Variants in NRXN3 observed in about 807,000 individuals in gnomAD.
NRXN3 encodes neurexin III.
In NRXN3, 32 loss-of-function variants were observed where a neutral mutation model predicts 137.6. That is an observed-to-expected ratio of 0.23 (90% CI 0.18 to 0.31). The LOEUF (loss-of-function observed/expected upper bound fraction) is 0.31. NRXN3 is among the 10% of genes least tolerant of loss of function. The pLI is 1.00. For synonymous variants in NRXN3, 798 were observed against 784.5 expected (o/e 1.02, Z -0.29); for missense variants, 1,574 against 2,062.5 (o/e 0.76, Z 4.59).
At position 79,673,725 on chromosome 14, in the gene NRXN3, A is replaced by G. The variant is rs143839984; in HGVS notation, c.3616+9776A>G. ...ATGGGTATATGGTGAAAAATGAAAC[A>G]CAGCTCCTGACCTCAAGGATCCTCA... is the stretch of plus-strand genomic sequence containing the variant. On this transcript the variant is annotated intron_variant, in intron 17 of 20. Transcript: ENST00000335750. 8.9e-3 allele frequency among the ~76,000 whole-genome samples: 1,356 copies of G among 152,232 alleles called. 20 individuals are homozygous for G. The highest frequency in any genetic ancestry group is 0.027 in the Middle Eastern group (8 of 294).
At chr14:79,061,752 A>T (rs1011337354) in intron 15 of NRXN3, among the ~76,000 whole-genome samples, 3 of 152,114 alleles carry the variant, frequency 2.0e-5, no homozygotes, top group African/African-American at 7.2e-5. Context: ...ACAAGTTACG[A>T]GTTGTCCTTG....
At chr14:78,956,538 G>A (rs2099397127) in intron 10 of NRXN3, among the ~76,000 whole-genome samples, 1 of 152,112 alleles carries the variant, frequency 6.6e-6, no homozygotes, top group African/African-American at 2.4e-5. Context: ...GTCCTGAAAA[G>A]TTTCAGTTTT....
chr14:79,280,171 CT>C (rs2081038448), intron 15 of NRXN3: 1 of 1,514,912 alleles, frequency 6.6e-7, no homozygotes, highest in African/African-American at 1.4e-5. Flanking sequence ...TTGCTTCCCT[CT>C]TCCCCGAATT....
chr14:78,364,368 G>C (rs533206867), intron 4 of NRXN3, among the ~76,000 whole-genome samples: 21 of 152,240 alleles, frequency 1.4e-4, no homozygotes, highest in Non-Finnish European at 2.8e-4. Context: ...CAAACTTCAA[G>C]AGTAATGGAA....
chr14:79,064,161 G>A (rs931841627), intron 15 of NRXN3, among the ~76,000 whole-genome samples: 9 of 152,062 alleles, frequency 5.9e-5, no homozygotes, highest in African/African-American at 9.7e-5. Flanking sequence ...ATCTGTGAGC[G>A]GATTATTTGG....
At chr14:79,611,877 T>A (rs903731348) in intron 16 of NRXN3, 2 of 152,218 alleles carry the variant, frequency 1.3e-5, no homozygotes, top group African/African-American at 4.8e-5. Flanking sequence ...TATAGCTGGA[T>A]CATGCATAGC....
At chr14:79,552,571 C>G (rs1343839097) in intron 16 of NRXN3, among the ~76,000 whole-genome samples, 1 of 152,066 alleles carries the variant, frequency 6.6e-6, no homozygotes, top group Non-Finnish European at 1.5e-5. Context: ...AATGGGAAGA[C>G]TCAAAGAAAG....
At chr14:78,497,547 A>T (rs2095805570) in intron 4 of NRXN3, among the ~76,000 whole-genome samples, 3 of 152,012 alleles carry the variant, frequency 2.0e-5, no homozygotes, top group Non-Finnish European at 2.9e-5. Flanking sequence ...CCTGCTGTAG[A>T]TCTGTGTAGT....
chr14:78,861,654 A>G (rs1042949350), intron 10 of NRXN3, among the ~76,000 whole-genome samples: 3 of 152,118 alleles, frequency 2.0e-5, no homozygotes, highest in African/African-American at 7.2e-5. Flanking sequence ...TCATAGAGAA[A>G]CCATCCATGT....
intron 10 of NRXN3, among the ~76,000 whole-genome samples, chr14:78,888,989 G>A (rs2099151611): frequency 6.6e-6 from 1 of 151,890 alleles, no homozygotes; most frequent in African/African-American, 2.4e-5. Flanking sequence ...TCTATAAGAT[G>A]GGAGATATCT....
chr14:79,058,262 G>A (rs759711813), intron 15 of NRXN3, among the ~76,000 whole-genome samples: 58 of 152,216 alleles, frequency 3.8e-4, no homozygotes, highest in African/African-American at 1.3e-3. Context: ...ACAGTTGTGA[G>A]CATTTCTCCA....
chr14:79,810,991 C>T (rs958734865), intron 20 of NRXN3, among the ~76,000 whole-genome samples: 1 of 152,130 alleles, frequency 6.6e-6, no homozygotes, highest in African/African-American at 2.4e-5. Context: ...AGTTAGCAAC[C>T]TGTATGTTTT....
chr14:79,716,908 T>C (rs1026447268), intron 19 of NRXN3, among the ~76,000 whole-genome samples: 1 of 152,186 alleles, frequency 6.6e-6, no homozygotes, highest in Non-Finnish European at 1.5e-5. Context: ...ACCTGATGAA[T>C]AGTAGTTTTC....
intron 10 of NRXN3, among the ~76,000 whole-genome samples, chr14:78,846,838 C>T (rs1454182094): frequency 6.6e-6 from 1 of 152,132 alleles, no homozygotes; most frequent in Non-Finnish European, 1.5e-5. Flanking sequence ...TCTCTATTTT[C>T]TACCTTTGCT....
At chr14:78,650,604 CT>C (rs1420181875) in intron 5 of NRXN3, among the ~76,000 whole-genome samples, 1 of 151,632 alleles carries the variant, frequency 6.6e-6, no homozygotes, top group African/African-American at 2.4e-5. Context: ...AATCAAGACC[CT>C]TCTCCTTCCC....
intron 2 of NRXN3, among the ~76,000 whole-genome samples, chr14:78,254,302 G>A (rs1340217171): frequency 6.6e-6 from 1 of 152,068 alleles, no homozygotes; most frequent in Non-Finnish European, 1.5e-5. Context: ...AACCTGTGAT[G>A]TCCCATCTTC....
chr14:79,624,941 CT>C (rs995400108), intron 16 of NRXN3, among the ~76,000 whole-genome samples: 2 of 151,964 alleles, frequency 1.3e-5, no homozygotes, highest in Non-Finnish European at 2.9e-5. Context: ...GTAGCTGAGA[CT>C]ACAGGCATCC....
intron 16 of NRXN3, among the ~76,000 whole-genome samples, chr14:79,596,845 A>C (rs2097863253): frequency 6.6e-6 from 1 of 152,140 alleles, no homozygotes; most frequent in South Asian, 2.1e-4. Context: ...GGATTTAGGC[A>C]GTTTTTGATC....
chr14:78,536,348 C>G (rs1383181502), intron 4 of NRXN3, among the ~76,000 whole-genome samples: 1 of 152,294 alleles, frequency 6.6e-6, no homozygotes, highest in African/African-American at 2.4e-5. Flanking sequence ...TAGGTCACAT[C>G]CCCGCATCAC....
Sources: allele counts gnomAD v4.1 joint callset (sites outside exome capture counted in the v4.1 genomes callset), GRCh38; gene constraint gnomAD v4.1.1; transcripts MANE v1.5; gene names NCBI Gene and HGNC (gene_info 2026-07-23, HGNC 2026-07-21).